TBCB: variants seen among roughly 807,000 people sequenced by gnomAD.
TBCB encodes tubulin folding cofactor B, also known as tubulin-folding cofactor B.
A neutral mutation model predicts 29.2 loss-of-function variants in TBCB; 18 were observed. The ratio of observed to expected loss-of-function variants is 0.62; its 90% CI spans 0.43 to 0.91. TBCB has a LOEUF of 0.91. TBCB is among the 40% of genes least tolerant of loss of function. The pLI is 0.00. For missense variants in TBCB, 336 were observed against 337.6 expected (o/e 1.00, Z 0.04); for synonymous variants, 172 against 137.8 (o/e 1.25, Z -1.74).
chr19:36,122,738 A>AGG (rs1326511371), intron 4 of TBCB, among the ~76,000 whole-genome samples: 1 of 140,866 alleles, frequency 7.1e-6, no homozygotes, highest in African/African-American at 2.7e-5. Flanking sequence ...TGGGTGACAG[A>AGG]GGGAGACCCT....
chr19:36,125,661 C>T lies in TBCB; in HGVS notation c.621-7C>T. ...CTGACCACACCCACCCCTATCCTTT[C>T]CTGCAGTGTGAATGGGAAACGCTAC... On this transcript the variant is annotated splice_polypyrimidine_tract_variant and splice_region_variant and intron_variant, in intron 5 of 5. Transcript: ENST00000221855. 1 of 1,586,710 alleles carries T rather than the reference C, an allele frequency of 6.3e-7. No individual in the cohort carries two copies. Among genetic ancestry groups the T allele is most frequent in the Non-Finnish European group, 8.6e-7 (1 of 1,164,236 alleles).
chr19:36,115,236 G>A (rs1326142878), upstream of TBCB: 1 of 537,696 alleles, frequency 1.9e-6, no homozygotes, highest in Non-Finnish European at 3.3e-6. Flanking sequence ...TTCGCGGACT[G>A]GGCGAGCTCT....
chr19:36,120,596 A>G (rs1307204011), intron 2 of TBCB, 114 bp from the exon 3 acceptor site: 2 of 815,860 alleles, frequency 2.5e-6, no homozygotes, highest in South Asian at 3.1e-5. Flanking sequence ...GCTGCAGTAC[A>G]GGCGAGGGAG....
At position 36,125,732 on chromosome 19, in the gene TBCB, G is replaced by T; in HGVS notation, c.685G>T (p.Val229Leu). 1.3e-6 allele frequency: 2 copies of T among 1,575,592 alleles called. No homozygotes were observed. Among genetic ancestry groups the T allele is most frequent in the Non-Finnish European group, 1.7e-6 (2 of 1,160,674 alleles). ...KYGAFVKPAV[V>L]TVGDFPEEDY... Reference sequence around the variant, plus strand: ...TGGCGCCTTTGTCAAGCCAGCAGTCGTGACGGTGGGGGACTTCCCGGAGGA... The same window carrying T: ...TGGCGCCTTTGTCAAGCCAGCAGTCTTGACGGTGGGGGACTTCCCGGAGGA... The change falls in exon 6 of 6, where the codon GTG becomes TTG. Residue 229 changes from valine (V) to leucine (L), a missense_variant. Physicochemically the swap from Val to Leu is conservative, Grantham distance 32. Coordinates refer to ENST00000221855, the MANE Select transcript of TBCB (RefSeq NM_001281.3).
At chr19:36,121,031 C>G (rs1472374393) in intron 3 of TBCB, among the ~76,000 whole-genome samples, 3 of 53,048 alleles carry the variant, frequency 5.7e-5, no homozygotes, top group African/African-American at 2.2e-4. Flanking sequence ...CAGACGTGGT[C>G]GGGGGAGGGC....
At chr19:36,117,099 C>T (rs116557391) in intron 2 of TBCB, among the ~76,000 whole-genome samples, 2,681 of 152,302 alleles carry the variant, frequency 0.018, 83 homozygotes, top group African/African-American at 0.062. Flanking sequence ...CTAGTGAAGT[C>T]TTCACCGGCC....
chr19:36,121,066 G>A (rs1050530861), intron 3 of TBCB, among the ~76,000 whole-genome samples: 4 of 148,224 alleles, frequency 2.7e-5, no homozygotes, highest in African/African-American at 1.0e-4. Flanking sequence ...GAGTTGAGGG[G>A]TAGGTGTGGG....
chr19:36,120,957 A>T, intron 3 of TBCB, 151 bp downstream of exon 3: 6 of 491,250 alleles, frequency 1.2e-5, no homozygotes, highest in African/African-American at 2.2e-5. Context: ...TGAGGCTGGG[A>T]GTGGGGACAG....
upstream of TBCB, chr19:36,115,199 G>A: frequency 3.7e-6 from 2 of 543,812 alleles, no homozygotes; most frequent in South Asian, 2.4e-5. Flanking sequence ...CTTGGTTGAA[G>A]GCCAGTGCGC....
Position 36,120,776 on chromosome 19 carries a change from A to G in TBCB, c.325A>G (p.Ile109Val). 6.2e-7 allele frequency: 1 copy of G among 1,613,840 alleles called. No individual in the cohort carries two copies. Among genetic ancestry groups the G allele is most frequent in the Non-Finnish European group, 8.5e-7 (1 of 1,179,942 alleles). ...CGTGTCCCGGGTGGAGAAGTACACG[A>G]TCTCACAAGAAGCCTACGACCAGAG... ...EDVSRVEKYT[I>V]SQEAYDQRQD... Residue 109 changes from isoleucine to valine, a missense_variant, in exon 3 of 6, where the codon ATC becomes GTC. By Grantham distance (29) the Ile-to-Val change is conservative. Coordinates refer to ENST00000221855, the MANE Select transcript of TBCB (RefSeq NM_001281.3).
chr19:36,120,684 C>T lies in TBCB; in HGVS notation c.259-26C>T, dbSNP rs781521507. 4 of 1,610,864 alleles carry T rather than the reference C, an allele frequency of 2.5e-6. No individual in the cohort carries two copies. The East Asian group carries it at 6.7e-5, about 27-fold the overall frequency. On this transcript the variant is annotated intron_variant, in intron 2 of 5. Coordinates refer to ENST00000221855, the MANE Select transcript of TBCB (RefSeq NM_001281.3). ...AGGCCTCCCTGGCCAGACCCTGATC[C>T]CCACGGAGCCCCTCCCCTCACACAG...
chr19:36,122,070 A>G, intron 4 of TBCB: 1 of 362,390 alleles, frequency 2.8e-6, no homozygotes, highest in South Asian at 2.8e-5. Flanking sequence ...GGGCTGTGTG[A>G]GCCCAGAGGA....
Position 36,120,823 on chromosome 19 carries a change from G to A in TBCB, c.355+17G>A, listed in dbSNP as rs375946363. 186 of 1,612,928 alleles carry A rather than the reference G, an allele frequency of 1.2e-4. No homozygotes were observed. Among genetic ancestry groups the A allele is most frequent in the Admixed American group, 3.5e-4 (21 of 59,954 alleles). Reference sequence around the variant, plus strand: ...AGAGGCAAGGTACGGGCAGGTGGGCGTCGAGGGGTGCGTGGGGGCCAGAGG... The same window carrying A: ...AGAGGCAAGGTACGGGCAGGTGGGCATCGAGGGGTGCGTGGGGGCCAGAGG... On this transcript the variant is annotated intron_variant, in intron 3 of 5. Coordinates refer to ENST00000221855, the MANE Select transcript of TBCB (RefSeq NM_001281.3).
chr19:36,124,593 A>C (rs1391215402), intron 4 of TBCB, among the ~76,000 whole-genome samples: 1 of 149,054 alleles, frequency 6.7e-6, no homozygotes, highest in Non-Finnish European at 1.5e-5. Context: ...AGGCTGGAAT[A>C]CAGTGGCATG....
chr19:36,119,430 C>G (rs1309298857), intron 2 of TBCB, among the ~76,000 whole-genome samples: 2 of 152,150 alleles, frequency 1.3e-5, no homozygotes, highest in Non-Finnish European at 2.9e-5. Flanking sequence ...ACTTCCCTGA[C>G]CCTGGTCCAG....
At chr19:36,119,159 G>A (rs1268323134) in intron 2 of TBCB, among the ~76,000 whole-genome samples, 1 of 152,122 alleles carries the variant, frequency 6.6e-6, no homozygotes, top group Admixed American at 6.5e-5. Context: ...GGAGCCACTG[G>A]GGAATTTTTA....
chr19:36,121,856 C>T, intron 4 of TBCB, 138 bp downstream of exon 4: 1 of 1,126,484 alleles, frequency 8.9e-7, no homozygotes, highest in Non-Finnish European at 1.3e-6. Flanking sequence ...ATCTCAGTCC[C>T]TGGAGGTGAC....
intron 2 of TBCB, chr19:36,116,447 G>T: frequency 2.5e-6 from 1 of 405,212 alleles, no homozygotes; most frequent in Non-Finnish European, 4.5e-6. Context: ...AGGGCTTCCT[G>T]GAGGAAGGGA....
chr19:36,115,767 G>C (rs1489821340), intron 1 of TBCB, 93 bp downstream of exon 1: 10 of 1,287,158 alleles, frequency 7.8e-6, no homozygotes, highest in Non-Finnish European at 9.8e-6. Flanking sequence ...GGAGTGACTG[G>C]GCGGGCCCGG....
Sources: allele counts gnomAD v4.1 joint callset (sites outside exome capture counted in the v4.1 genomes callset), GRCh38; gene constraint gnomAD v4.1.1; transcripts MANE v1.5; gene names NCBI Gene and HGNC (gene_info 2026-07-23, HGNC 2026-07-21).